The following CNTNAP2 variants were observed in gnomAD, a reference collection of about 807,000 sequenced individuals.
The protein encoded by CNTNAP2 is contactin associated protein 2, also known as contactin-associated protein-like 2.
Under a neutral mutation model 155.2 loss-of-function variants are expected in CNTNAP2, and 98 were observed. The observed-to-expected ratio is 0.63, with a 90% CI of 0.54 to 0.75. The LOEUF is 0.75. Ranked by LOEUF, CNTNAP2 falls within the 30% of genes least tolerant of loss-of-function variation. The probability of loss-of-function intolerance (pLI) is 0.00; values close to 1 mark genes in which losing one functional copy is unlikely to be tolerated. For missense variants in CNTNAP2, 1,727 were observed against 1,688.1 expected (o/e 1.02, Z -0.40); for synonymous variants, 651 against 631.2 (o/e 1.03, Z -0.47).
At chr7:147,639,386 G>A (rs1795238918) in intron 13 of CNTNAP2, 80 bp downstream of exon 13, 5 of 1,338,142 alleles carry the variant, frequency 3.7e-6, no homozygotes, top group Non-Finnish European at 5.3e-6. Flanking sequence ...AACAGGTGTG[G>A]TTCATTATCT....
chr7:146,849,536 G>C (rs956844458), intron 3 of CNTNAP2, among the ~76,000 whole-genome samples: 1 of 152,134 alleles, frequency 6.6e-6, no homozygotes, highest in African/African-American at 2.4e-5. Context: ...TCAAATATCT[G>C]AACTCTGCTC....
chr7:146,721,109 ATATT>A (rs1360577109), intron 1 of CNTNAP2, among the ~76,000 whole-genome samples: 1 of 132,310 alleles, frequency 7.6e-6, no homozygotes, highest in Non-Finnish European at 1.5e-5. Flanking sequence ...TTCTCTATAT[ATATT>A]CTCTCTATAT....
In CNTNAP2 at chr7:147,367,618, A is replaced by C. The variant is rs769531616; in HGVS notation, c.1499-27991A>C. Among the ~76,000 whole-genome samples, 12 of 152,106 alleles carry C rather than the reference A, an allele frequency of 7.9e-5. 1 individual carries two copies. Among genetic ancestry groups the C allele is most frequent in the Non-Finnish European group, 1.5e-4 (10 of 68,024 alleles). On this transcript the variant is annotated intron_variant, in intron 9 of 23. Coordinates refer to ENST00000361727, the MANE Select transcript of CNTNAP2 (RefSeq NM_014141.6). ...ATGTGACTCATCCACACAACAGAAA[A>C]GGCAAAACACACTCAGCAAATGGAA...
intron 12 of CNTNAP2, among the ~76,000 whole-genome samples, chr7:147,631,152 A>G (rs1346076452): frequency 6.6e-6 from 1 of 152,202 alleles, no homozygotes; most frequent in Non-Finnish European, 1.5e-5. Flanking sequence ...AATGTACACA[A>G]TTCAGTAGCA....
At chr7:147,491,221 C>A (rs1363359251) in intron 11 of CNTNAP2, among the ~76,000 whole-genome samples, 1 of 152,154 alleles carries the variant, frequency 6.6e-6, no homozygotes, top group Non-Finnish European at 1.5e-5. Context: ...GATTTCCTCC[C>A]CTACATCTCC....
intron 1 of CNTNAP2, among the ~76,000 whole-genome samples, chr7:146,403,882 T>C (rs755484297): frequency 4.6e-5 from 7 of 151,906 alleles, no homozygotes; most frequent in Non-Finnish European, 1.0e-4. Context: ...CAAAGACACT[T>C]TGGGAGGCCG....
chr7:147,003,528 TAAC>T lies in CNTNAP2; in HGVS notation c.403-40375_403-40373del, dbSNP rs140319536. ...GATAAAAAATGGGGAATAGAGGAAATAACAACGTAAGAGTTAAAATCTCAACTA... is the reference window on the plus strand; with the variant it reads ...GATAAAAAATGGGGAATAGAGGAAATAACGTAAGAGTTAAAATCTCAACTA... On this transcript the variant is annotated intron_variant, in intron 3 of 23. Transcript: ENST00000361727. Among the ~76,000 whole-genome samples the T allele has an allele frequency of 2.3e-3, 343 of 151,860 alleles. 13 individuals are homozygous for T. The East Asian group carries it at 0.055, about 25-fold the overall frequency.
At chr7:146,957,701 TC>T (rs1797465057) in intron 3 of CNTNAP2, among the ~76,000 whole-genome samples, 1 of 152,152 alleles carries the variant, frequency 6.6e-6, no homozygotes. Flanking sequence ...GAGCCCGTTC[TC>T]CATGTCGTGC....
At chr7:147,619,584 A>G (rs1390577779) in intron 12 of CNTNAP2, among the ~76,000 whole-genome samples, 1 of 152,010 alleles carries the variant, frequency 6.6e-6, no homozygotes, top group Non-Finnish European at 1.5e-5. Context: ...ACAGGGTGAC[A>G]CTCCTTTTCC....
chr7:146,336,212 A>G (rs1216061756), intron 1 of CNTNAP2, among the ~76,000 whole-genome samples: 2 of 151,982 alleles, frequency 1.3e-5, no homozygotes, highest in African/African-American at 4.8e-5. Context: ...AAAAAAAAAA[A>G]AAGTAAAAAC....
At chr7:148,345,186 T>C (rs1372494623) in intron 21 of CNTNAP2, among the ~76,000 whole-genome samples, 1 of 152,084 alleles carries the variant, frequency 6.6e-6, no homozygotes, top group East Asian at 1.9e-4. Context: ...GGGGTTCACA[T>C]GGAGGAGACG....
chr7:148,340,086 AAT>A (rs1221794417), intron 21 of CNTNAP2, among the ~76,000 whole-genome samples: 1 of 151,858 alleles, frequency 6.6e-6, no homozygotes, highest in Non-Finnish European at 1.5e-5. Context: ...GGAGCATCTT[AAT>A]ATTCTGGCAT....
chr7:147,821,224 AAG>A (rs1798354757), intron 13 of CNTNAP2, among the ~76,000 whole-genome samples: 1 of 152,192 alleles, frequency 6.6e-6, no homozygotes, highest in Non-Finnish European at 1.5e-5. Flanking sequence ...AATTTTTAAA[AAG>A]AGTAAGTGAT....
intron 21 of CNTNAP2, among the ~76,000 whole-genome samples, chr7:148,325,072 A>G (rs984921555): frequency 3.3e-5 from 5 of 152,358 alleles, no homozygotes; most frequent in South Asian, 4.1e-4. Context: ...TTTAACATAC[A>G]TAGCAAATTC....
intron 3 of CNTNAP2, among the ~76,000 whole-genome samples, chr7:147,012,389 A>G (rs1286873997): frequency 6.6e-6 from 1 of 152,194 alleles, no homozygotes; most frequent in Non-Finnish European, 1.5e-5. Context: ...CAGAAGGAAT[A>G]AAATGTGCTT....
chr7:146,218,149 A>G (rs1799144416), intron 1 of CNTNAP2, among the ~76,000 whole-genome samples: 1 of 152,148 alleles, frequency 6.6e-6, no homozygotes, highest in South Asian at 2.1e-4. Flanking sequence ...AAACCACGTG[A>G]GAGTTCAAAC....
intron 9 of CNTNAP2, among the ~76,000 whole-genome samples, chr7:147,345,118 T>A (rs1467170477): frequency 6.6e-6 from 1 of 152,156 alleles, no homozygotes; most frequent in Non-Finnish European, 1.5e-5. Context: ...TAATGCATCC[T>A]GAAATTTTCC....
At chr7:146,857,680 T>G (rs1795017894) in intron 3 of CNTNAP2, among the ~76,000 whole-genome samples, 1 of 152,152 alleles carries the variant, frequency 6.6e-6, no homozygotes, top group African/African-American at 2.4e-5. Flanking sequence ...CTCCATCCCG[T>G]GTGGGTGTCT....
intron 1 of CNTNAP2, among the ~76,000 whole-genome samples, chr7:146,422,019 C>T (rs927265813): frequency 6.6e-6 from 1 of 151,718 alleles, no homozygotes; most frequent in Non-Finnish European, 1.5e-5. Context: ...AAAAGTGATA[C>T]CAGTGCATCA....
Sources: gnomAD v4.1 joint callset for allele counts (sites outside exome capture counted in the v4.1 genomes callset) on GRCh38, gnomAD v4.1.1 for gene constraint, MANE v1.5 for transcripts, NCBI Gene and HGNC (gene_info 2026-07-23, HGNC 2026-07-21) for gene names.